The following CSRNP3 variants were observed in gnomAD, a reference collection of about 807,000 sequenced individuals.
The protein encoded by CSRNP3 is cysteine and serine rich nuclear protein 3, also known as cysteine/serine-rich nuclear protein 3.
A neutral mutation model predicts 48.0 loss-of-function variants in CSRNP3; 12 were observed. The ratio of observed to expected loss-of-function variants is 0.25; its 90% CI spans 0.16 to 0.41. The LOEUF (loss-of-function observed/expected upper bound fraction) is 0.41. Among genes scored for constraint, CSRNP3 ranks in the 10% least tolerant of loss-of-function variants. CSRNP3 has a pLI of 1.00. For missense variants in CSRNP3, 580 were observed against 724.4 expected (o/e 0.80, Z 2.29); for synonymous variants, 263 against 269.7 (o/e 0.98, Z 0.24).
At chr2:165,543,974 ATAT>A (rs1408272777) in intron 3 of CSRNP3, among the ~76,000 whole-genome samples, 3 of 150,826 alleles carry the variant, frequency 2.0e-5, no homozygotes, top group African/African-American at 7.4e-5. Context: ...GGTTAATGAA[ATAT>A]TATATTATGT....
chr2:165,615,744 A>AT (rs542899696), intron 4 of CSRNP3, among the ~76,000 whole-genome samples: 244 of 149,516 alleles, frequency 1.6e-3, no homozygotes, highest in South Asian at 5.1e-3. Context: ...TTATTTATTT[A>AT]TTTTTTTTGA....
At chr2:165,502,088 G>A (rs993018993) in intron 2 of CSRNP3, among the ~76,000 whole-genome samples, 7 of 151,708 alleles carry the variant, frequency 4.6e-5, no homozygotes, top group African/African-American at 1.2e-4. Context: ...TGATTTTTAC[G>A]GTATTTTTTC....
At chr2:165,489,551 A>AT (rs1397284262) in intron 1 of CSRNP3, among the ~76,000 whole-genome samples, 1 of 115,604 alleles carries the variant, frequency 8.7e-6, no homozygotes, top group Non-Finnish European at 1.8e-5. Flanking sequence ...ATCCTCAATA[A>AT]AATACTGGCA....
intron 1 of CSRNP3, among the ~76,000 whole-genome samples, chr2:165,486,142 G>A (rs182256505): frequency 1.4e-4 from 22 of 152,340 alleles, no homozygotes; most frequent in Non-Finnish European, 2.9e-4. Flanking sequence ...GGAAGCGCAA[G>A]GGGTCAGAGA....
chr2:165,680,264 C>T lies in CSRNP3; in HGVS notation c.*511C>T, dbSNP rs186607292. On this transcript the variant is annotated 3_prime_UTR_variant, in exon 7 of 7. Transcript: ENST00000651982. ...ACATGTTTTGATGAAAATGAACAGCCGCATGTTCATTCAAGCTGAAGATGC... is the reference window on the plus strand; with the variant it reads ...ACATGTTTTGATGAAAATGAACAGCTGCATGTTCATTCAAGCTGAAGATGC... The T allele has an allele frequency of 1.3e-5, 2 of 153,508 alleles. No homozygotes were observed. The highest frequency in any genetic ancestry group is 6.5e-5 in the Admixed American group (1 of 15,402). The allele number at this position is 153,508 out of a possible 1,614,324, so 9.5% of individuals were successfully genotyped here.
At chr2:165,556,748 A>G (rs1293828182) in intron 3 of CSRNP3, among the ~76,000 whole-genome samples, 1 of 152,216 alleles carries the variant, frequency 6.6e-6, no homozygotes, top group Non-Finnish European at 1.5e-5. Context: ...ATGAGAAAGT[A>G]GAATAATTCT....
At chr2:165,621,997 G>A (rs1558953213) in intron 4 of CSRNP3, among the ~76,000 whole-genome samples, 1 of 152,026 alleles carries the variant, frequency 6.6e-6, no homozygotes, top group Non-Finnish European at 1.5e-5. Flanking sequence ...CAAATGGCAG[G>A]CAGAGCTTTC....
chr2:165,521,345 G>C (rs1303104533), intron 3 of CSRNP3, among the ~76,000 whole-genome samples: 1 of 152,150 alleles, frequency 6.6e-6, no homozygotes, highest in East Asian at 1.9e-4. Flanking sequence ...AGAAACTCTG[G>C]TTGAGGACAA....
At chr2:165,515,856 A>C (rs1476546356) in intron 2 of CSRNP3, among the ~76,000 whole-genome samples, 1 of 123,180 alleles carries the variant, frequency 8.1e-6, no homozygotes, top group African/African-American at 3.2e-5. Flanking sequence ...CTCAGGCTGG[A>C]GTTCAGTGGC....
chr2:165,486,375 C>T, intron 1 of CSRNP3, among the ~76,000 whole-genome samples: 1 of 150,904 alleles, frequency 6.6e-6, no homozygotes, highest in Non-Finnish European at 1.5e-5. Context: ...GGGAGGGGCG[C>T]CCGCCATTGC....
chr2:165,648,882 A>G (rs1472040136), intron 4 of CSRNP3, among the ~76,000 whole-genome samples: 1 of 152,198 alleles, frequency 6.6e-6, no homozygotes, highest in African/African-American at 2.4e-5. Context: ...CTTTTTTCCA[A>G]CCTGAGAATT....
At chr2:165,671,236 T>C (rs1480498130) in intron 5 of CSRNP3, among the ~76,000 whole-genome samples, 11 of 152,202 alleles carry the variant, frequency 7.2e-5, no homozygotes, top group Non-Finnish European at 1.5e-4. Flanking sequence ...AGTCTGAACA[T>C]TTAATGATTC....
Position 165,681,756 on chromosome 2 carries a change from T to C in CSRNP3, c.*2003T>C, listed in dbSNP as rs1426184657. 50 of 59,874 alleles carry C rather than the reference T, an allele frequency of 8.4e-4. No individual in the cohort carries two copies. Among genetic ancestry groups the C allele is most frequent in the African/African-American group, 2.3e-3 (48 of 21,082 alleles). The allele number at this position is 59,874 out of a possible 1,614,324, so 3.7% of individuals were successfully genotyped here. A position where few individuals can be genotyped will look rare whatever the true frequency, so the allele number is the denominator to read the frequency against. ...ATATATATATATATATATATATATA[T>C]ATATACACACACACACACACATACA... On this transcript the variant is annotated 3_prime_UTR_variant, in exon 7 of 7. Transcript: ENST00000651982.
At position 165,685,844 on chromosome 2, in the gene CSRNP3, G is replaced by T. The variant is rs561630182; in HGVS notation, c.*6091G>T. 1.3e-5 allele frequency: 2 copies of T among 152,066 alleles called. No homozygotes were observed. The highest frequency in any genetic ancestry group is 2.9e-5 in the Non-Finnish European group (2 of 67,996). The allele number at this position is 152,066 out of a possible 1,614,324, so 9.4% of individuals were successfully genotyped here. On this transcript the variant is annotated 3_prime_UTR_variant, in exon 7 of 7. Transcript: ENST00000651982. ...TAACATTTGTATTCAGCATGCTAAT[G>T]ATGTAACTCCTCTCTTTATCATTAC...
intron 1 of CSRNP3, among the ~76,000 whole-genome samples, chr2:165,472,026 A>G (rs1223488351): frequency 6.6e-6 from 1 of 151,660 alleles, no homozygotes; most frequent in East Asian, 1.9e-4. Context: ...TAGGTTTTTA[A>G]TGGAGCTCAC....
intron 2 of CSRNP3, among the ~76,000 whole-genome samples, chr2:165,497,602 T>C (rs570905010): frequency 1.1e-4 from 16 of 152,186 alleles, no homozygotes; most frequent in Admixed American, 9.8e-4. Flanking sequence ...TCTATATAAC[T>C]GAGACAAAAA....
chr2:165,518,413 T>G (rs1038684042), intron 3 of CSRNP3, among the ~76,000 whole-genome samples: 1 of 151,910 alleles, frequency 6.6e-6, no homozygotes, highest in Non-Finnish European at 1.5e-5. Flanking sequence ...TTTTTTTAAC[T>G]ACAGCCAAAT....
intron 4 of CSRNP3, among the ~76,000 whole-genome samples, chr2:165,612,516 T>A (rs986065532): frequency 1.3e-5 from 2 of 152,068 alleles, no homozygotes; most frequent in African/African-American, 4.8e-5. Context: ...ACACTAGAAT[T>A]TATTTCTCCC....
At chr2:165,673,497 G>A (rs924333760) in intron 5 of CSRNP3, among the ~76,000 whole-genome samples, 57 of 152,098 alleles carry the variant, frequency 3.7e-4, no homozygotes, top group African/African-American at 1.3e-3. Context: ...TTAGTATGCA[G>A]GAATAAGAGA....
Sources: gnomAD v4.1 joint callset for allele counts (sites outside exome capture counted in the v4.1 genomes callset) on GRCh38, gnomAD v4.1.1 for gene constraint, MANE v1.5 for transcripts, NCBI Gene and HGNC (gene_info 2026-07-23, HGNC 2026-07-21) for gene names.